KDM2A: variants seen among roughly 807,000 people sequenced by gnomAD.
KDM2A encodes lysine demethylase 2A, also known as lysine-specific demethylase 2A.
KDM2A carries 3 observed loss-of-function variants against 137.3 expected under a neutral mutation model. The ratio of observed to expected loss-of-function variants is 0.02; its 90% CI spans 0.01 to 0.06. KDM2A has a LOEUF of 0.06. Ranked by LOEUF, KDM2A falls within the 10% of genes least tolerant of loss-of-function variation. KDM2A has a pLI of 1.00. For missense variants in KDM2A, 738 were observed against 1,510.6 expected, an observed-to-expected ratio of 0.49 and a Z score of 8.48; for synonymous variants, 512 against 541.5, an observed-to-expected ratio of 0.95 and a Z score of 0.76.
Position 67,250,961 on chromosome 11 carries a change from C to T in KDM2A, c.2768+163C>T, listed in dbSNP as rs1208400642. ...TTTGGGTCCTGTTTAAAGATGTAGCCTGTTGTACCCGCAGATGTCATTAGG... is the reference window on the plus strand; with the variant it reads ...TTTGGGTCCTGTTTAAAGATGTAGCTTGTTGTACCCGCAGATGTCATTAGG... On this transcript the variant is annotated intron_variant, in intron 17 of 20. Coordinates refer to ENST00000529006, the MANE Select transcript of KDM2A (RefSeq NM_012308.3). This position sits in a 1 kb window ranked among gnomAD's most constrained non-coding sequence, Gnocchi z 7.1. Among the ~76,000 whole-genome samples the T allele has an allele frequency of 1.3e-5, 2 of 152,138 alleles. No individual in the cohort carries two copies. The highest frequency in any genetic ancestry group is 2.4e-5 in the African/African-American group (1 of 41,426).
chr11:67,183,014 T>C (rs1857124328), intron 5 of KDM2A, among the ~76,000 whole-genome samples: 1 of 152,262 alleles, frequency 6.6e-6, no homozygotes, highest in South Asian at 2.1e-4. Flanking sequence ...GGGTCCTTGT[T>C]AGACTACCGA....
intron 15 of KDM2A, among the ~76,000 whole-genome samples, chr11:67,246,934 G>A (rs975036816): frequency 6.7e-6 from 1 of 150,070 alleles, no homozygotes; most frequent in Non-Finnish European, 1.5e-5. Flanking sequence ...GAAGAACCGG[G>A]TTTTTGTTTT....
intron 5 of KDM2A, chr11:67,195,748 C>T (rs939337139): frequency 5.4e-6 from 1 of 186,594 alleles, no homozygotes; most frequent in Non-Finnish European, 1.2e-5. Context: ...TACTTATATT[C>T]AGTAAAGAAA....
At chr11:67,175,635 A>G (rs367901892) in intron 2 of KDM2A, among the ~76,000 whole-genome samples, 2 of 152,232 alleles carry the variant, frequency 1.3e-5, no homozygotes. Context: ...GAAGAAAAGC[A>G]TGAAAAAGAT....
intron 5 of KDM2A, among the ~76,000 whole-genome samples, chr11:67,192,739 C>G (rs1014243524): frequency 6.6e-6 from 1 of 151,944 alleles, no homozygotes; most frequent in African/African-American, 2.4e-5. Context: ...GCCACCGTGC[C>G]TGGCCTCCAT....
At chr11:67,205,333 G>A (rs2136377657) in intron 5 of KDM2A, among the ~76,000 whole-genome samples, 1 of 152,022 alleles carries the variant, frequency 6.6e-6, no homozygotes, top group South Asian at 2.1e-4. Context: ...ATTCTGCCTT[G>A]TCTATTTCAC....
intron 5 of KDM2A, among the ~76,000 whole-genome samples, chr11:67,182,632 G>A (rs1338283324): frequency 6.7e-6 from 1 of 149,266 alleles, no homozygotes; most frequent in African/African-American, 2.5e-5. Flanking sequence ...TGCTGCATTC[G>A]AGCAGTTCTC....
intron 2 of KDM2A, among the ~76,000 whole-genome samples, chr11:67,174,803 T>G (rs984151287): frequency 1.3e-5 from 2 of 152,250 alleles, no homozygotes; most frequent in Middle Eastern, 3.2e-3. Flanking sequence ...TGTTGTTGGT[T>G]ATTCAGGAAT....
At chr11:67,188,035 AAAT>A (rs1014994842) in intron 5 of KDM2A, among the ~76,000 whole-genome samples, 7 of 152,120 alleles carry the variant, frequency 4.6e-5, no homozygotes, top group Non-Finnish European at 7.4e-5. Context: ...TCTATAAAAA[AAAT>A]AATAATAGTA....
In KDM2A at chr11:67,254,294, C is replaced by T; in HGVS notation, c.3183C>T (p.Arg1061=). The T allele has an allele frequency of 6.2e-7, 1 of 1,614,044 alleles. No homozygotes were observed. Among genetic ancestry groups the T allele is most frequent in the Non-Finnish European group, 8.5e-7 (1 of 1,179,896 alleles). The change falls in exon 20 of 21, where the codon CGC becomes CGT. Residue 1061 remains arginine, a synonymous_variant. Coordinates refer to ENST00000529006, the MANE Select transcript of KDM2A (RefSeq NM_012308.3). The surrounding 1 kb of genome is among the most constrained non-coding windows in gnomAD (Gnocchi z 4.7). ...ATGCCACGCTTCGCCTCATAATTCG[C>T]CACATGCCCCTCCTGTCTCGACTCG... ...ITDATLRLII[R]HMPLLSRLDL...
chr11:67,181,544 G>T, intron 4 of KDM2A, 146 bp downstream of exon 4: 1 of 560,862 alleles, frequency 1.8e-6, no homozygotes, highest in Non-Finnish European at 3.1e-6. Context: ...CTTTTCTTTT[G>T]ATACACAAGT....
chr11:67,169,380 C>CTTTTTTT (rs1169905276), intron 2 of KDM2A, among the ~76,000 whole-genome samples: 1 of 132,648 alleles, frequency 7.5e-6, no homozygotes, highest in African/African-American at 2.8e-5. Flanking sequence ...CTTTCTTTTT[C>CTTTTTTT]TTTTTTTTTT....
intron 2 of KDM2A, among the ~76,000 whole-genome samples, chr11:67,178,648 CTT>C (rs949177698): frequency 6.6e-6 from 1 of 152,038 alleles, no homozygotes; most frequent in Admixed American, 6.6e-5. Context: ...AATATGTGGT[CTT>C]TTATGACTGG....
In KDM2A at chr11:67,121,370, C is replaced by T. The variant is rs745508755; in HGVS notation, c.42+12C>T. ...ACAGCCAGAGATTGGTTAGTATTTT[C>T]TCCCCCCACCACACCCTCCAGTTTT... On this transcript the variant is annotated intron_variant, in intron 2 of 20. Coordinates refer to ENST00000529006, the MANE Select transcript of KDM2A (RefSeq NM_012308.3). 7 of 1,611,364 alleles carry T rather than the reference C, an allele frequency of 4.3e-6. No individual in the cohort carries two copies. The highest frequency in any genetic ancestry group is 5.9e-6 in the Non-Finnish European group (7 of 1,177,728).
chr11:67,198,391 A>G (rs1857533362), intron 5 of KDM2A, among the ~76,000 whole-genome samples: 1 of 151,676 alleles, frequency 6.6e-6, no homozygotes, highest in Non-Finnish European at 1.5e-5. Context: ...CCATTTTTCC[A>G]ATAGCATATG....
intron 2 of KDM2A, chr11:67,132,050 T>TA (rs1352890327): frequency 6.6e-6 from 1 of 152,158 alleles, no homozygotes; most frequent in Non-Finnish European, 1.5e-5. Flanking sequence ...TTTTGGCAAA[T>TA]ACATTGGTGA....
intron 5 of KDM2A, among the ~76,000 whole-genome samples, chr11:67,191,567 T>G (rs1024655407): frequency 2.0e-5 from 3 of 152,214 alleles, no homozygotes; most frequent in African/African-American, 7.2e-5. Flanking sequence ...TAAATTTCAT[T>G]AACAGTGAAG....
intron 15 of KDM2A, 136 bp downstream of exon 15, chr11:67,246,252 T>C: frequency 1.1e-6 from 1 of 909,928 alleles, no homozygotes; most frequent in Non-Finnish European, 1.7e-6. Flanking sequence ...TGCAGTGGTC[T>C]AACATCAGCC....
At chr11:67,240,448 G>A (rs1858997245) in intron 12 of KDM2A, 1 of 1,252,802 alleles carries the variant, frequency 8.0e-7, no homozygotes, top group Non-Finnish European at 1.1e-6. Context: ...TGAAGAGGCA[G>A]GAGAAACTGC....
Sources: allele counts gnomAD v4.1 joint callset (sites outside exome capture counted in the v4.1 genomes callset), GRCh38; gene constraint gnomAD v4.1.1; non-coding constraint Gnocchi (gnomAD v3.1); transcripts MANE v1.5; gene names NCBI Gene and HGNC (gene_info 2026-07-23, HGNC 2026-07-21).